The following ZDHHC17 variants were observed in gnomAD, a reference collection of about 807,000 sequenced individuals.
The protein encoded by ZDHHC17 is zDHHC palmitoyltransferase 17.
In ZDHHC17, 40 loss-of-function variants were observed where a neutral mutation model predicts 90.3. That is an observed-to-expected ratio of 0.44 (90% CI 0.34 to 0.58). ZDHHC17 has a LOEUF of 0.58. Among genes scored for constraint, ZDHHC17 ranks in the 20% least tolerant of loss-of-function variants. The pLI is 0.01. For missense variants in ZDHHC17, 614 were observed against 780.8 expected (o/e 0.79, Z 2.55); for synonymous variants, 235 against 252.4 (o/e 0.93, Z 0.65).
At chr12:76,840,711 A>G (rs921713821) in intron 10 of ZDHHC17, among the ~76,000 whole-genome samples, 2 of 152,200 alleles carry the variant, frequency 1.3e-5, no homozygotes, top group African/African-American at 4.8e-5. Context: ...TACCATTTGA[A>G]GATACCTAAT....
At chr12:76,784,523 C>G (rs1272457737) in intron 1 of ZDHHC17, among the ~76,000 whole-genome samples, 1 of 152,114 alleles carries the variant, frequency 6.6e-6, no homozygotes, top group Non-Finnish European at 1.5e-5. Context: ...AGACCATCGA[C>G]ATCAATTTGT....
intron 1 of ZDHHC17, among the ~76,000 whole-genome samples, chr12:76,789,912 G>A (rs1363283340): frequency 6.6e-6 from 1 of 152,152 alleles, no homozygotes; most frequent in East Asian, 1.9e-4. Context: ...AGGGAGCCAT[G>A]ATAACGACAT....
intron 3 of ZDHHC17, among the ~76,000 whole-genome samples, chr12:76,807,021 C>T (rs918987656): frequency 6.6e-6 from 1 of 152,180 alleles, no homozygotes; most frequent in African/African-American, 2.4e-5. Flanking sequence ...TTGGCAAATG[C>T]AGAATGGTTG....
chr12:76,774,404 C>T (rs1952535077), intron 1 of ZDHHC17, among the ~76,000 whole-genome samples: 1 of 151,924 alleles, frequency 6.6e-6, no homozygotes, highest in African/African-American at 2.4e-5. Flanking sequence ...TTGAAATAAC[C>T]CTAGGTGTAG....
At chr12:76,799,879 A>G (rs984346890) in intron 2 of ZDHHC17, among the ~76,000 whole-genome samples, 15 of 152,200 alleles carry the variant, frequency 9.9e-5, no homozygotes, top group African/African-American at 2.4e-5. Context: ...GGATTTTGGA[A>G]TATTTGCACA....
intron 14 of ZDHHC17, among the ~76,000 whole-genome samples, 158 bp downstream of exon 14, chr12:76,846,837 A>G (rs1182240390): frequency 6.6e-6 from 1 of 152,228 alleles, no homozygotes; most frequent in African/African-American, 2.4e-5. Context: ...ATACAGCTCT[A>G]TCAATTATGT....
intron 2 of ZDHHC17, among the ~76,000 whole-genome samples, chr12:76,802,539 C>T (rs10862521): frequency 0.6 from 90,711 of 150,574 alleles, 27,111 homozygotes; most frequent in East Asian, 0.67. Context: ...TCTCTCTTTT[C>T]CTGGAACTTC....
At chr12:76,821,388 ATTTTG>A (rs954752703) in intron 7 of ZDHHC17, among the ~76,000 whole-genome samples, 1 of 151,920 alleles carries the variant, frequency 6.6e-6, no homozygotes, top group Non-Finnish European at 1.5e-5. Flanking sequence ...GGTGTGTTTT[ATTTTG>A]TTGTTTATTT....
chr12:76,765,586 G>T (rs532472701), intron 1 of ZDHHC17, among the ~76,000 whole-genome samples: 1 of 152,214 alleles, frequency 6.6e-6, no homozygotes, highest in Non-Finnish European at 1.5e-5. Flanking sequence ...CCTAACATAC[G>T]TCAGGAAATA....
intron 10 of ZDHHC17, among the ~76,000 whole-genome samples, chr12:76,836,101 G>A (rs1206962784): frequency 3.3e-5 from 5 of 151,680 alleles, no homozygotes; most frequent in Non-Finnish European, 7.4e-5. Flanking sequence ...CTAGTTTTGC[G>A]TGTACATTTG....
intron 1 of ZDHHC17, 92 bp from the exon 2 acceptor site, chr12:76,797,342 C>T (rs1952831877): frequency 1.3e-6 from 1 of 767,572 alleles, no homozygotes; most frequent in Admixed American, 3.4e-5. Context: ...TAGCATTTCT[C>T]AAACAACACA....
At chr12:76,830,482 G>GGCAGTTTTC (rs1242599562) in intron 10 of ZDHHC17, among the ~76,000 whole-genome samples, 1 of 152,050 alleles carries the variant, frequency 6.6e-6, no homozygotes, top group Admixed American at 6.6e-5. Flanking sequence ...TCTTCCATAT[G>GGCAGTTTTC]GCAGTTTTCA....
At chr12:76,798,421 C>T (rs1413344030) in intron 2 of ZDHHC17, among the ~76,000 whole-genome samples, 1 of 151,970 alleles carries the variant, frequency 6.6e-6, no homozygotes, top group South Asian at 2.1e-4. Context: ...TAAGAATTGT[C>T]TGAAATTGGA....
intron 1 of ZDHHC17, among the ~76,000 whole-genome samples, chr12:76,792,339 A>G (rs1952768196): frequency 6.6e-6 from 1 of 152,212 alleles, no homozygotes; most frequent in Non-Finnish European, 1.5e-5. Context: ...TAGGTCTAGC[A>G]TTTTAAAAAG....
intron 10 of ZDHHC17, among the ~76,000 whole-genome samples, chr12:76,836,794 A>G (rs187315318): frequency 2.0e-5 from 3 of 152,116 alleles, no homozygotes; most frequent in Non-Finnish European, 2.9e-5. Flanking sequence ...CCGTGTTGCT[A>G]TATTTAGGAG....
chr12:76,778,181 GCAGA>G (rs1251849885), intron 1 of ZDHHC17, among the ~76,000 whole-genome samples: 1 of 152,116 alleles, frequency 6.6e-6, no homozygotes, highest in Non-Finnish European at 1.5e-5. Context: ...AGTCTATATT[GCAGA>G]CAGTCACACA....
rs184567317 is a variant in ZDHHC17, at chr12:76,787,012, T to C, written c.94-10422T>C. 8.5e-5 allele frequency among the ~76,000 whole-genome samples: 13 copies of C among 152,348 alleles called. No individual in the cohort carries two copies. The East Asian group carries it at 2.1e-3, about 25-fold the overall frequency. ...GCCATTCAAATTACATTTTGGTAAT[T>C]ACATTTAGATAATTTACATGTGCAC... is the stretch of plus-strand genomic sequence containing the variant. On this transcript the variant is annotated intron_variant, in intron 1 of 16. Coordinates refer to ENST00000426126, the MANE Select transcript of ZDHHC17 (RefSeq NM_015336.4).
chr12:76,828,092 A>G lies in ZDHHC17; in HGVS notation c.1041-298A>G, dbSNP rs967157045. On this transcript the variant is annotated intron_variant, in intron 9 of 16. Transcript: ENST00000426126. ...GTATGCTGGATGATAGCTACTATAT[A>G]TACTAAAGTCAGTTATTGACTTTAA... Among the ~76,000 whole-genome samples, 3 of 152,244 alleles carry G rather than the reference A, an allele frequency of 2.0e-5. No homozygotes were observed. The East Asian group carries it at 5.8e-4, about 29-fold the overall frequency.
intron 5 of ZDHHC17, chr12:76,813,514 T>C (rs1213980420): frequency 3.4e-6 from 1 of 290,104 alleles, no homozygotes; most frequent in South Asian, 2.9e-5. Context: ...GGTTCTCAGA[T>C]TTTTTTTCTT....
Sources: gnomAD v4.1 joint callset for allele counts (sites outside exome capture counted in the v4.1 genomes callset) on GRCh38, gnomAD v4.1.1 for gene constraint, MANE v1.5 for transcripts, NCBI Gene and HGNC (gene_info 2026-07-23, HGNC 2026-07-21) for gene names.